The following BANK1 variants were observed in gnomAD, a reference collection of about 807,000 sequenced individuals.
BANK1 encodes the protein B cell scaffold protein with ankyrin repeats 1.
Under a neutral mutation model 94.5 loss-of-function variants are expected in BANK1, and 95 were observed. The observed-to-expected ratio is 1.00, with a 90% CI of 0.85 to 1.19. The LOEUF is 1.19. Among genes scored for constraint, BANK1 ranks in the 50% most tolerant of loss-of-function variants. The pLI, the probability that BANK1 is intolerant of heterozygous loss-of-function variation, is 0.00. For missense variants in BANK1, 987 were observed against 932.2 expected (o/e 1.06, Z -0.77); for synonymous variants, 334 against 308.4 (o/e 1.08, Z -0.87).
intron 7 of BANK1, among the ~76,000 whole-genome samples, chr4:101,957,048 G>A (rs1415017372): frequency 6.6e-6 from 1 of 152,114 alleles, no homozygotes; most frequent in Non-Finnish European, 1.5e-5. Context: ...TCCTATGATA[G>A]TATAGCGAGT....
chr4:101,939,945 A>G (rs1403024948), intron 7 of BANK1, among the ~76,000 whole-genome samples: 1 of 151,772 alleles, frequency 6.6e-6, no homozygotes, highest in African/African-American at 2.4e-5. Context: ...GTGCTATTCA[A>G]ATATCTTCTA....
At chr4:101,940,010 C>A (rs544397889) in intron 7 of BANK1, among the ~76,000 whole-genome samples, 6 of 151,812 alleles carry the variant, frequency 4.0e-5, no homozygotes, top group Admixed American at 1.3e-4. Context: ...TCCCTATTGA[C>A]CATTTGATGC....
chr4:102,026,754 G>A (rs1322310140), intron 9 of BANK1, among the ~76,000 whole-genome samples: 6 of 151,032 alleles, frequency 4.0e-5, no homozygotes, highest in African/African-American at 4.9e-5. Context: ...CCCGGGAGGC[G>A]GAGGTTGCAG....
intron 6 of BANK1, among the ~76,000 whole-genome samples, chr4:101,909,553 C>A (rs7659691): frequency 0.78 from 119,114 of 151,904 alleles, 47,333 homozygotes; most frequent in Non-Finnish European, 0.86. Flanking sequence ...CACACACACA[C>A]AAAAAAATGC....
At chr4:101,913,043 C>T (rs1722717322) in intron 6 of BANK1, among the ~76,000 whole-genome samples, 2 of 152,156 alleles carry the variant, frequency 1.3e-5, no homozygotes, top group Non-Finnish European at 2.9e-5. Context: ...AGCATTCTAC[C>T]TGTAAGCCAT....
At chr4:101,869,685 G>A (rs1416342389) in intron 4 of BANK1, among the ~76,000 whole-genome samples, 3 of 151,846 alleles carry the variant, frequency 2.0e-5, no homozygotes, top group Non-Finnish European at 4.4e-5. Context: ...AGATATTTGA[G>A]TGACAGTTTT....
rs570218318 is a variant in BANK1, at chr4:101,916,171, G to C, written c.1010-1822G>C. The stretch of plus-strand genomic sequence containing the variant: ...AGAATATCAGAAGTTCTATAATTTT[G>C]ACCCCCAACCCTTTCATTTCATAAA... On this transcript the variant is annotated intron_variant, in intron 6 of 16. Transcript: ENST00000322953. Among the ~76,000 whole-genome samples the C allele has an allele frequency of 3.9e-5, 6 of 151,980 alleles. No individual in the cohort carries two copies. In the East Asian group the frequency reaches 1.2e-3, roughly 29 times the overall value.
At chr4:101,837,556 G>A (rs2148866280) in intron 2 of BANK1, among the ~76,000 whole-genome samples, 1 of 152,046 alleles carries the variant, frequency 6.6e-6, no homozygotes, top group Middle Eastern at 3.4e-3. Flanking sequence ...TAAGGACTAA[G>A]GTTTCAAGGA....
At chr4:101,900,995 C>T (rs28421052) in intron 6 of BANK1, among the ~76,000 whole-genome samples, 1 of 152,212 alleles carries the variant, frequency 6.6e-6, no homozygotes, top group East Asian at 1.9e-4. Context: ...TAAAAGCCAA[C>T]TGAAGATAAA....
intron 7 of BANK1, among the ~76,000 whole-genome samples, chr4:102,008,211 C>T (rs1726368749): frequency 6.6e-6 from 1 of 152,142 alleles, no homozygotes; most frequent in African/African-American, 2.4e-5. Context: ...ATTTGAATCT[C>T]TGCTTTATAT....
At chr4:101,818,454 G>A (rs779780211) in intron 1 of BANK1, among the ~76,000 whole-genome samples, 19 of 152,080 alleles carry the variant, frequency 1.2e-4, no homozygotes, top group Non-Finnish European at 2.4e-4. Flanking sequence ...AAGCAGAGTT[G>A]TGAAGAAATA....
chr4:101,840,412 A>G (rs771403155), intron 2 of BANK1, among the ~76,000 whole-genome samples: 81 of 152,238 alleles, frequency 5.3e-4, no homozygotes, highest in Non-Finnish European at 7.8e-4. Context: ...AACTTGCGCC[A>G]AAACTGGCCA....
chr4:101,947,294 T>TA (rs1723964071), intron 7 of BANK1, among the ~76,000 whole-genome samples: 1 of 74,678 alleles, frequency 1.3e-5, no homozygotes, highest in Non-Finnish European at 3.7e-5. Context: ...AATATATATA[T>TA]ATATATATAT....
At chr4:101,986,030 T>C (rs993830612) in intron 7 of BANK1, among the ~76,000 whole-genome samples, 11 of 152,262 alleles carry the variant, frequency 7.2e-5, no homozygotes, top group African/African-American at 2.6e-4. Flanking sequence ...ATCATTGTAA[T>C]GGGATCTTAG....
intron 7 of BANK1, among the ~76,000 whole-genome samples, chr4:101,952,895 C>T (rs12503000): frequency 0.066 from 10,092 of 152,166 alleles, 579 homozygotes; most frequent in East Asian, 0.19. Flanking sequence ...ATTAATGAAA[C>T]AAAACCAGTA....
chr4:101,863,044 C>T (rs2148877817), intron 4 of BANK1, among the ~76,000 whole-genome samples: 1 of 151,708 alleles, frequency 6.6e-6, no homozygotes, highest in African/African-American at 2.4e-5. Flanking sequence ...TTTTCCCTTT[C>T]TTTCTTTTTT....
intron 1 of BANK1, among the ~76,000 whole-genome samples, chr4:101,806,247 AC>A: frequency 6.6e-6 from 1 of 152,114 alleles, no homozygotes; most frequent in South Asian, 2.1e-4. Context: ...TAATATTTGT[AC>A]ATGCTTTAAT....
intron 7 of BANK1, among the ~76,000 whole-genome samples, chr4:101,945,832 C>T (rs1157730889): frequency 1.3e-5 from 2 of 151,910 alleles, no homozygotes; most frequent in African/African-American, 4.8e-5. Context: ...AGGATAGAAA[C>T]ACCAATGACA....
intron 6 of BANK1, among the ~76,000 whole-genome samples, chr4:101,900,340 ATAGT>A (rs1308110166): frequency 7.9e-5 from 12 of 152,240 alleles, no homozygotes; most frequent in South Asian, 2.1e-4. Flanking sequence ...AAGTGAGAAG[ATAGT>A]TAGGAAGTGA....
Sources: allele counts gnomAD v4.1 joint callset (sites outside exome capture counted in the v4.1 genomes callset), GRCh38; gene constraint gnomAD v4.1.1; transcripts MANE v1.5; gene names NCBI Gene and HGNC (gene_info 2026-07-23, HGNC 2026-07-21).